JAM2: variants seen among roughly 807,000 people sequenced by gnomAD.
JAM2 encodes junctional adhesion molecule 2.
A neutral mutation model predicts 42.0 loss-of-function variants in JAM2; 17 were observed. The observed-to-expected ratio is 0.40, with a 90% CI of 0.28 to 0.61. The LOEUF (loss-of-function observed/expected upper bound fraction) is 0.61. JAM2 is among the 20% of genes least tolerant of loss of function. The pLI is 0.37. For synonymous variants in JAM2, 118 were observed against 128.6 expected (o/e 0.92, Z 0.56); for missense variants, 319 against 358.3 (o/e 0.89, Z 0.89).
intron 6 of JAM2, among the ~76,000 whole-genome samples, chr21:25,704,799 A>G (rs1301590397): frequency 3.3e-5 from 5 of 152,240 alleles, no homozygotes; most frequent in African/African-American, 1.2e-4. Flanking sequence ...GTTGTATGAC[A>G]GGAGGTGTCT....
At chr21:25,661,154 T>G (rs2033078128) in intron 1 of JAM2, among the ~76,000 whole-genome samples, 1 of 152,132 alleles carries the variant, frequency 6.6e-6, no homozygotes, top group African/African-American at 2.4e-5. Context: ...TAAATCCCAT[T>G]TAACATTATA....
intron 4 of JAM2, among the ~76,000 whole-genome samples, chr21:25,696,036 C>T (rs1246136208): frequency 6.6e-6 from 1 of 152,250 alleles, no homozygotes; most frequent in East Asian, 1.9e-4. Context: ...CCAAGGCAGG[C>T]GGCTGGGAGG....
At chr21:25,679,579 C>A (rs767061646) in intron 1 of JAM2, among the ~76,000 whole-genome samples, 14 of 152,170 alleles carry the variant, frequency 9.2e-5, no homozygotes, top group Non-Finnish European at 2.1e-4. Context: ...ACAGGACAGC[C>A]CCCTACAACA....
At chr21:25,653,907 T>C (rs775391777) in intron 1 of JAM2, among the ~76,000 whole-genome samples, 4 of 152,296 alleles carry the variant, frequency 2.6e-5, no homozygotes, top group Non-Finnish European at 4.4e-5. Flanking sequence ...AGAAAACATA[T>C]ACTGAATGCA....
At chr21:25,706,806 T>C (rs975269231) in intron 7 of JAM2, among the ~76,000 whole-genome samples, 3 of 152,068 alleles carry the variant, frequency 2.0e-5, no homozygotes, top group Non-Finnish European at 4.4e-5. Flanking sequence ...GTAGCGCAAT[T>C]TCGGCTCACT....
chr21:25,661,264 T>G, intron 1 of JAM2, among the ~76,000 whole-genome samples: 1 of 152,090 alleles, frequency 6.6e-6, no homozygotes, highest in East Asian at 1.9e-4. Flanking sequence ...CTAGCTGGAC[T>G]GGGCAACATG....
At chr21:25,676,286 C>CAAAAAAAA (rs397958040) in intron 1 of JAM2, among the ~76,000 whole-genome samples, 5 of 61,194 alleles carry the variant, frequency 8.2e-5, no homozygotes, top group East Asian at 3.9e-4. Flanking sequence ...AGACTCGTCT[C>CAAAAAAAA]AAAAAAAAAA....
chr21:25,639,878 C>A lies in JAM2; in HGVS notation c.57C>A (p.Val19=). Residue 19 remains valine (V), a synonymous_variant, in exon 1 of 10, where the codon GTC becomes GTA. Transcript: ENST00000480456. ...TGCTGCTGCTGCGCTACCTGGTGGT[C>A]GCCCTGGGCTGTAAGTTGCTCGGGT... ...LLLLLLRYLV[V]ALGYHKAYGF... is the part of the protein sequence containing the mutation. The A allele has an allele frequency of 6.3e-7, 1 of 1,591,418 alleles. No individual in the cohort carries two copies. Among genetic ancestry groups the A allele is most frequent in the Non-Finnish European group, 8.5e-7 (1 of 1,169,760 alleles).
intron 1 of JAM2, among the ~76,000 whole-genome samples, chr21:25,663,134 C>A (rs771361194): frequency 3.7e-4 from 57 of 152,014 alleles, no homozygotes; most frequent in Non-Finnish European, 5.7e-4. Flanking sequence ...TTGGAGAATG[C>A]AGAGAGCCAG....
At chr21:25,668,864 C>T (rs1453982678) in intron 1 of JAM2, among the ~76,000 whole-genome samples, 1 of 152,010 alleles carries the variant, frequency 6.6e-6, no homozygotes, top group Non-Finnish European at 1.5e-5. Context: ...TTGTCCTGGA[C>T]GTTAAGTGTA....
At chr21:25,679,073 C>A (rs1245945293) in intron 1 of JAM2, among the ~76,000 whole-genome samples, 2 of 152,168 alleles carry the variant, frequency 1.3e-5, no homozygotes, top group Non-Finnish European at 2.9e-5. Flanking sequence ...CAAAGTAGTT[C>A]TGCAAATTTT....
Position 25,671,111 on chromosome 21 carries a change from T to C in JAM2, c.68-12772T>C, listed in dbSNP as rs188769158. ...AATGAAGTTTGATAGAAAGTGTGCATGCTAAATCATTGGCCATATAAAATC... is the reference window on the plus strand; with the variant it reads ...AATGAAGTTTGATAGAAAGTGTGCACGCTAAATCATTGGCCATATAAAATC... On this transcript the variant is annotated intron_variant, in intron 1 of 9. Transcript: ENST00000480456. Among the ~76,000 whole-genome samples, 277 of 152,342 alleles carry C rather than the reference T, an allele frequency of 1.8e-3. 1 individual carries two copies. The highest frequency in any genetic ancestry group is 0.014 in the Middle Eastern group (4 of 294).
At chr21:25,673,663 T>G (rs2033412785) in intron 1 of JAM2, among the ~76,000 whole-genome samples, 1 of 152,166 alleles carries the variant, frequency 6.6e-6, no homozygotes, top group Non-Finnish European at 1.5e-5. Context: ...TTGTACTGAT[T>G]TGAGGGCAGG....
intron 4 of JAM2, among the ~76,000 whole-genome samples, chr21:25,697,927 GCACA>G (rs35767783): frequency 0.27 from 39,735 of 145,944 alleles, 5,430 homozygotes; most frequent in African/African-American, 0.34. Flanking sequence ...AAATCTATCT[GCACA>G]CACACACACA....
chr21:25,703,059 T>G (rs2034200731), intron 6 of JAM2, among the ~76,000 whole-genome samples: 1 of 152,064 alleles, frequency 6.6e-6, no homozygotes. Flanking sequence ...ACCGTGTTGG[T>G]CAGGCTGCTC....
In JAM2 at chr21:25,659,698, T is replaced by C. The variant is rs561239597; in HGVS notation, c.67+19810T>C. On this transcript the variant is annotated intron_variant, in intron 1 of 9. Coordinates refer to ENST00000480456, the MANE Select transcript of JAM2 (RefSeq NM_021219.4). ...TGTTTGCCTTTTCAAAGATTTTTAT[T>C]AGAGATTTGGATCAAAGAGCTTTAA... is the stretch of plus-strand genomic sequence containing the variant. 5.9e-5 allele frequency among the ~76,000 whole-genome samples: 9 copies of C among 152,344 alleles called. 1 individual carries two copies. In the South Asian group the frequency reaches 1.7e-3, roughly 28 times the overall value.
At chr21:25,678,043 T>C (rs1017139177) in intron 1 of JAM2, among the ~76,000 whole-genome samples, 2 of 151,944 alleles carry the variant, frequency 1.3e-5, no homozygotes, top group Non-Finnish European at 2.9e-5. Flanking sequence ...AGAACAGCCA[T>C]GGTGAAACCC....
At chr21:25,714,564 C>T in intron 9 of JAM2, 76 bp from the exon 10 acceptor site, 1 of 911,050 alleles carries the variant, frequency 1.1e-6, no homozygotes. Flanking sequence ...ATAAATATAG[C>T]TTGATATTCA....
intron 1 of JAM2, 62 bp from the exon 2 acceptor site, chr21:25,683,821 T>G: frequency 8.2e-7 from 1 of 1,220,266 alleles, no homozygotes; most frequent in Non-Finnish European, 1.2e-6. Flanking sequence ...TGCATCCCAT[T>G]CAGACATTTG....
Sources: allele counts gnomAD v4.1 joint callset (sites outside exome capture counted in the v4.1 genomes callset), GRCh38; gene constraint gnomAD v4.1.1; transcripts MANE v1.5; gene names NCBI Gene and HGNC (gene_info 2026-07-23, HGNC 2026-07-21).